The following SALL3 variants were observed in gnomAD, a reference collection of about 807,000 sequenced individuals.
SALL3 encodes spalt like transcription factor 3, also known as sal-like protein 3.
Under a neutral mutation model 66.2 loss-of-function variants are expected in SALL3, and 25 were observed. The observed-to-expected ratio is 0.38, with a 90% CI of 0.28 to 0.53. The LOEUF (loss-of-function observed/expected upper bound fraction) is 0.53, where lower values mean the gene tolerates loss of function less well. Among genes scored for constraint, SALL3 ranks in the 20% least tolerant of loss-of-function variants. SALL3 has a pLI of 0.85. For synonymous variants in SALL3, 1,152 were observed against 899.1 expected (o/e 1.28, Z -5.03); for missense variants, 2,194 against 1,916.5 (o/e 1.14, Z -2.70).
intron 1 of SALL3, among the ~76,000 whole-genome samples, chr18:78,987,242 T>C (rs1914275419): frequency 6.6e-6 from 1 of 152,206 alleles, no homozygotes; most frequent in South Asian, 2.1e-4. Context: ...AGAAGATAGA[T>C]AGATTCTATA....
At chr18:78,986,828 T>A (rs1568290267) in intron 1 of SALL3, among the ~76,000 whole-genome samples, 1 of 152,214 alleles carries the variant, frequency 6.6e-6, no homozygotes, top group Non-Finnish European at 1.5e-5. Flanking sequence ...TTGAGATTGA[T>A]AAAGGAAATT....
In SALL3 at chr18:78,994,542, G is replaced by C; in HGVS notation, c.2551G>C (p.Asp851His). 1 of 1,609,668 alleles carries C rather than the reference G, an allele frequency of 6.2e-7. No homozygotes were observed. Among genetic ancestry groups the C allele is most frequent in the Non-Finnish European group, 8.5e-7 (1 of 1,179,338 alleles). Residue 851 changes from aspartate to histidine, a missense_variant, in exon 2 of 3, where the codon GAC (aspartate) becomes CAC (histidine). Physicochemically the swap from Asp to His is moderately conservative, Grantham distance 81. Transcript: ENST00000537592. ...CCTGGAGAACCAGATGAAGATGATCGACTCGGTCATGAGCTGCCAGCAGCT... is the reference window on the plus strand; with the variant it reads ...CCTGGAGAACCAGATGAAGATGATCCACTCGGTCATGAGCTGCCAGCAGCT... Reference protein sequence around the residue: ...AALENQMKMIDSVMSCQQLTG... With the variant: ...AALENQMKMIHSVMSCQQLTG...
Position 78,980,182 on chromosome 18 carries a change from G to C in SALL3, c.-93G>C. The C allele has an allele frequency of 2.6e-6, 1 of 391,990 alleles. No homozygotes were observed. Among genetic ancestry groups the C allele is most frequent in the Non-Finnish European group, 3.4e-6 (1 of 291,264 alleles). The allele number at this position is 391,990 out of a possible 1,614,324, so 24.3% of individuals were successfully genotyped here. ...CGCAGCCGCCGCCGCCCCGCGCCCC[G>C]CGCCGCGCGCCCGCCAGGCCGCCCC... is the stretch of plus-strand genomic sequence containing the variant. On this transcript the variant is annotated 5_prime_UTR_variant, in exon 1 of 3. Coordinates refer to ENST00000537592, the MANE Select transcript of SALL3 (RefSeq NM_171999.4).
Position 78,992,046 on chromosome 18 carries a change from C to T in SALL3, c.83-28C>T, listed in dbSNP as rs754743543. On this transcript the variant is annotated intron_variant, in intron 1 of 2. Transcript: ENST00000537592. Reference sequence around the variant, plus strand: ...GAGACGGAGGGCGGGCGCCGAGCCCCGGCTGACTCACTCTCTTGGTCTTGC... The same window carrying T: ...GAGACGGAGGGCGGGCGCCGAGCCCTGGCTGACTCACTCTCTTGGTCTTGC... The T allele has an allele frequency of 4.3e-6, 6 of 1,399,326 alleles. No homozygotes were observed. In the African/African-American group the frequency reaches 6.0e-5, roughly 14 times the overall value. The allele number at this position is 1,399,326 out of a possible 1,614,324, so 86.7% of individuals were successfully genotyped here. A position where few individuals can be genotyped will look rare whatever the true frequency, so the allele number is the denominator to read the frequency against.
At position 78,992,894 on chromosome 18, in the gene SALL3, C is replaced by T; in HGVS notation, c.903C>T (p.Thr301=). Residue 301 remains threonine (T), a synonymous_variant, in exon 2 of 3, where the codon ACC becomes ACT. Coordinates refer to ENST00000537592, the MANE Select transcript of SALL3 (RefSeq NM_171999.4). Reference sequence around the variant, plus strand: ...CCCGGCCCGAGTCTGGCGCCAGCACCCCCGGCGGCCCTGCGGAGCCCAGCG... The same window carrying T: ...CCCGGCCCGAGTCTGGCGCCAGCACTCCCGGCGGCCCTGCGGAGCCCAGCG... The part of the protein sequence containing the change: ...PLSRPESGAS[T]PGGPAEPSAP... The T allele has an allele frequency of 1.0e-6, 1 of 985,300 alleles. No individual in the cohort carries two copies. The highest frequency in any genetic ancestry group is 1.2e-6 in the Non-Finnish European group (1 of 831,778). 61.0% of individuals were successfully genotyped at this position (985,300 alleles called of 1,614,324 possible).
chr18:78,989,614 A>C (rs1914358676), intron 1 of SALL3, among the ~76,000 whole-genome samples: 1 of 152,230 alleles, frequency 6.6e-6, no homozygotes, highest in Non-Finnish European at 1.5e-5. Context: ...TAAGATACAC[A>C]CTTTGTAAAA....
chr18:78,982,977 G>T (rs1391584550), intron 1 of SALL3, among the ~76,000 whole-genome samples: 1 of 152,044 alleles, frequency 6.6e-6, no homozygotes, highest in African/African-American at 2.4e-5. Context: ...TCTTAAAAAA[G>T]AATTATGATT....
At chr18:78,986,003 T>A (rs951029676) in intron 1 of SALL3, among the ~76,000 whole-genome samples, 3 of 152,224 alleles carry the variant, frequency 2.0e-5, no homozygotes, top group African/African-American at 7.2e-5. Flanking sequence ...TCATTAGGCA[T>A]AGATAGTGAT....
rs767610301 is a variant in SALL3, at chr18:78,993,499, T to G, written c.1508T>G (p.Leu503Arg). 6.2e-7 allele frequency: 1 copy of G among 1,606,558 alleles called. No individual in the cohort carries two copies. Among genetic ancestry groups the G allele is most frequent in the Admixed American group, 1.7e-5 (1 of 58,896 alleles). ...TCGGGCATCCCCTACGGCATGTCGC[T>G]GCCCCCCGAGAAGCCCGTGACCACC... ...TCSGIPYGMS[L>R]PPEKPVTTWL... The change falls in exon 2 of 3, where the codon CTG becomes CGG. Residue 503 changes from leucine to arginine, a missense_variant. By Grantham distance (102) the Leu-to-Arg change is moderately radical (BLOSUM62 -2). Coordinates refer to ENST00000537592, the MANE Select transcript of SALL3 (RefSeq NM_171999.4).
In SALL3 at chr18:78,994,772, GC is replaced by G; in HGVS notation, c.2785del (p.Gln929ArgfsTer39). ...KSPGLGAPEEPQEIPLKTERP... is the reference protein window; with the variant it reads ...KSPGLGAPEEXQEIPLKTERP... ...CCCCGGGCCTGGGCGCCCCGGAGGA[GC>G]CCCAGGAAATCCCGCTCAAGACCGA... On this transcript the variant is annotated frameshift_variant, in exon 2 of 3. Transcript: ENST00000537592. LOFTEE classifies it high-confidence loss of function. 6.3e-7 allele frequency: 1 copy of G among 1,599,562 alleles called. No individual in the cohort carries two copies. Among genetic ancestry groups the G allele is most frequent in the Non-Finnish European group, 8.5e-7 (1 of 1,176,892 alleles).
intron 2 of SALL3, among the ~76,000 whole-genome samples, chr18:78,996,501 G>C (rs1914698169): frequency 6.6e-6 from 1 of 152,212 alleles, no homozygotes; most frequent in South Asian, 2.1e-4. Flanking sequence ...GAGAGTCCCA[G>C]CAGCAGAAGA....
chr18:78,980,271 C>A lies in SALL3; in HGVS notation c.-4C>A. ...CCGCGCGGGGCCCGAGCGCCGCTAG[C>A]AGCATGTCTCGGCGCAAGCAGGCCA... On this transcript the variant is annotated 5_prime_UTR_variant, in exon 1 of 3. Transcript: ENST00000537592. 1 of 1,359,424 alleles carries A rather than the reference C, an allele frequency of 7.4e-7. No homozygotes were observed. Among genetic ancestry groups the A allele is most frequent in the Non-Finnish European group, 9.6e-7 (1 of 1,042,750 alleles). The allele number at this position is 1,359,424 out of a possible 1,614,324, so 84.2% of individuals were successfully genotyped here.
chr18:78,979,949 GC>G lies in SALL3; in HGVS notation c.-323del, dbSNP rs1235833986. Among the ~76,000 whole-genome samples the G allele has an allele frequency of 6.9e-6, 1 of 144,388 alleles. No homozygotes were observed. Among genetic ancestry groups the G allele is most frequent in the Non-Finnish European group, 1.5e-5 (1 of 65,130 alleles). 94.7% of individuals were successfully genotyped at this position (144,388 alleles called of 152,430 possible). On this transcript the variant is annotated 5_prime_UTR_variant, in exon 1 of 3. Coordinates refer to ENST00000537592, the MANE Select transcript of SALL3 (RefSeq NM_171999.4). ...GGCGGCCGAGGAGCGCGGCGCCGGA[GC>G]CCGCGATGTGAGGCGGCGCCGGGCA...
intron 1 of SALL3, among the ~76,000 whole-genome samples, chr18:78,982,895 C>T (rs1055150692): frequency 5.3e-5 from 8 of 152,096 alleles, no homozygotes; most frequent in Non-Finnish European, 1.2e-4. Flanking sequence ...AACAAATATT[C>T]TATGCAAAAA....
chr18:78,994,286 G>A lies in SALL3; in HGVS notation c.2295G>A (p.Gln765=), dbSNP rs373438856. The A allele has an allele frequency of 2.5e-6, 4 of 1,613,678 alleles. No homozygotes were observed. Among genetic ancestry groups the A allele is most frequent in the African/African-American group, 2.7e-5 (2 of 74,942 alleles). Residue 765 remains glutamine (Q), a synonymous_variant, in exon 2 of 3, where the codon CAG becomes CAA. Transcript: ENST00000537592. ...ACATCCGCATGCACATGGGCGGCCA[G>A]ATCCCCAACACGCCGCTGCCGGAGG... is the stretch of plus-strand genomic sequence containing the variant. The part of the protein sequence containing the change: ...QQHIRMHMGG[Q]IPNTPLPEGF...
In SALL3 at chr18:78,993,116, C is replaced by T. The variant is rs1489083101; in HGVS notation, c.1125C>T (p.Asn375=). Residue 375 remains asparagine, a synonymous_variant, in exon 2 of 3, where the codon AAC becomes AAT. Transcript: ENST00000537592. ...QTSASGVIFP[N]PLVSIAATAN... ...CCGCCAGCGGCGTCATCTTCCCCAA[C>T]CCGCTGGTCAGCATCGCGGCCACGG... 2.5e-6 allele frequency: 4 copies of T among 1,604,642 alleles called. No homozygotes were observed. Among genetic ancestry groups the T allele is most frequent in the Non-Finnish European group, 8.5e-7 (1 of 1,177,686 alleles).
rs2146215381 is a variant in SALL3 at position 78,992,742 on chromosome 18, C to G, written c.751C>G (p.Pro251Ala). 5.8e-6 allele frequency: 7 copies of G among 1,203,262 alleles called. No individual in the cohort carries two copies. Among genetic ancestry groups the G allele is most frequent in the Non-Finnish European group, 7.2e-6 (7 of 966,756 alleles). 74.5% of individuals were successfully genotyped at this position (1,203,262 alleles called of 1,614,324 possible). Residue 251 changes from proline (P) to alanine (A), a missense_variant, in exon 2 of 3, where the codon CCG (proline) becomes GCG (alanine). Physicochemically the swap from Pro to Ala is conservative, Grantham distance 27 (BLOSUM62 -1). Transcript: ENST00000537592. ...SLSPAAAPSA[P>A]GPAPSQLPGL... ...CAGCCCCGCGGCCGCCCCGAGCGCA[C>G]CGGGCCCGGCCCCCAGCCAGCTGCC...
chr18:78,996,594 A>G (rs1158209869), intron 2 of SALL3, among the ~76,000 whole-genome samples: 1 of 152,260 alleles, frequency 6.6e-6, no homozygotes, highest in East Asian at 1.9e-4. Flanking sequence ...TTCGAGCTCC[A>G]GAACATTCTC....
At position 78,995,362 on chromosome 18, in the gene SALL3, C is replaced by T; in HGVS notation, c.3371C>T (p.Ser1124Leu). ...CAGTCGTGCGGGAAGACCTTCTCCT[C>T]GGCCAGCGCCCTGCAGATCCATGAG... ...NCQSCGKTFS[S>L]ASALQIHERT... Residue 1124 changes from serine to leucine, a missense_variant, in exon 2 of 3, where the codon TCG becomes TTG. Transcript: ENST00000537592. 1.3e-6 allele frequency: 2 copies of T among 1,577,948 alleles called. No homozygotes were observed. Among genetic ancestry groups the T allele is most frequent in the Non-Finnish European group, 1.7e-6 (2 of 1,169,522 alleles).
Sources: gnomAD v4.1 joint callset for allele counts (sites outside exome capture counted in the v4.1 genomes callset) on GRCh38, gnomAD v4.1.1 for gene constraint, MANE v1.5 for transcripts, NCBI Gene and HGNC (gene_info 2026-07-23, HGNC 2026-07-21) for gene names.